ZNF366: variants seen among roughly 807,000 people sequenced by gnomAD.
The protein encoded by ZNF366 is dendritic cell-specific transcript protein.
In ZNF366, 20 loss-of-function variants were observed where a neutral mutation model predicts 47.2. That is an observed-to-expected ratio of 0.42 (90% CI 0.30 to 0.62). The LOEUF (loss-of-function observed/expected upper bound fraction) is 0.62, where lower values mean the gene tolerates loss of function less well. ZNF366 is among the 20% of genes least tolerant of loss of function. ZNF366 has a pLI of 0.16. For synonymous variants in ZNF366, 421 were observed against 395.1 expected, an observed-to-expected ratio of 1.07 and a Z score of -0.78; for missense variants, 987 against 976.3, an observed-to-expected ratio of 1.01 and a Z score of -0.15.
chr5:72,506,039 T>C lies in ZNF366; in HGVS notation c.-15+1212A>G, dbSNP rs982785005. Among the ~76,000 whole-genome samples the C allele has an allele frequency of 8.5e-5, 13 of 152,366 alleles. No homozygotes were observed. In the East Asian group the frequency reaches 2.3e-3, roughly 27 times the overall value. Reference sequence around the variant, plus strand: ...TGTTTTCTCATCCTTAGTAAGATGATGGTTCAATTTTGAATAAAGATTAAT... The same window carrying C: ...TGTTTTCTCATCCTTAGTAAGATGACGGTTCAATTTTGAATAAAGATTAAT... On this transcript the variant is annotated intron_variant, in intron 1 of 4. Coordinates refer to ENST00000318442, the MANE Select transcript of ZNF366 (RefSeq NM_152625.3).
At chr5:72,445,009 G>C (rs747243325) in intron 4 of ZNF366, among the ~76,000 whole-genome samples, 1 of 152,082 alleles carries the variant, frequency 6.6e-6, no homozygotes, top group African/African-American at 2.4e-5. Flanking sequence ...AAAACAAAGA[G>C]AACCTATTTG....
chr5:72,451,100 G>C (rs1034907885), intron 3 of ZNF366, among the ~76,000 whole-genome samples: 1 of 152,266 alleles, frequency 6.6e-6, no homozygotes, highest in African/African-American at 2.4e-5. Flanking sequence ...GCCCAAGCAG[G>C]ACCTGCTGAA....
At chr5:72,496,608 T>C (rs1243860099) in intron 1 of ZNF366, among the ~76,000 whole-genome samples, 1 of 152,202 alleles carries the variant, frequency 6.6e-6, no homozygotes, top group East Asian at 1.9e-4. Flanking sequence ...TGCGTGCAAG[T>C]CTTCATGGGA....
chr5:72,473,760 T>C (rs1250523858), intron 1 of ZNF366, among the ~76,000 whole-genome samples: 1 of 152,182 alleles, frequency 6.6e-6, no homozygotes, highest in Non-Finnish European at 1.5e-5. Flanking sequence ...TCCCCCTATA[T>C]TGCACTCTGA....
At chr5:72,489,215 A>G (rs563162555) in intron 1 of ZNF366, among the ~76,000 whole-genome samples, 87 of 152,170 alleles carry the variant, frequency 5.7e-4, no homozygotes, top group Non-Finnish European at 1.1e-3. Context: ...ATCTCAAAAA[A>G]GAAATTAAGA....
intron 1 of ZNF366, among the ~76,000 whole-genome samples, chr5:72,483,389 G>C (rs1409455755): frequency 6.6e-6 from 1 of 152,010 alleles, no homozygotes; most frequent in East Asian, 1.9e-4. Flanking sequence ...GGTAACAAGA[G>C]ACCTATACCC....
chr5:72,444,153 C>A lies in ZNF366; in HGVS notation c.1838G>T (p.Gly613Val), dbSNP rs368259666. ...VFQSDGESAQ[G>V]SHCHEEEEED... ...CTCTTCCTCCTCGTGGCAGTGGCTG[C>A]CCTGGGCACTCTCCCCGTCTGACTG... The change falls in exon 5 of 5, where the codon GGC (glycine) becomes GTC (valine). Residue 613 changes from glycine (G) to valine (V), a missense_variant. Gly to Val is a moderately radical substitution (Grantham distance 109). Transcript: ENST00000318442. 2 of 1,613,612 alleles carry A rather than the reference C, an allele frequency of 1.2e-6. No individual in the cohort carries two copies. Among genetic ancestry groups the A allele is most frequent in the Non-Finnish European group, 1.7e-6 (2 of 1,180,016 alleles).
chr5:72,495,904 C>T (rs1744103377), intron 1 of ZNF366, among the ~76,000 whole-genome samples: 3 of 152,296 alleles, frequency 2.0e-5, no homozygotes, highest in Admixed American at 2.0e-4. Flanking sequence ...CCATCCTACT[C>T]CCCTGTCCAA....
In ZNF366 at chr5:72,507,365, C is replaced by A. The variant is rs979440864; in HGVS notation, c.-129G>T. ...TCTCTTGTGTACAGATTGCAGGGAA[C>A]TTAAAGAACTCGCAGGGACAGTGTT... On this transcript the variant is annotated 5_prime_UTR_variant, in exon 1 of 5. Coordinates refer to ENST00000318442, the MANE Select transcript of ZNF366 (RefSeq NM_152625.3). 2 of 985,216 alleles carry A rather than the reference C, an allele frequency of 2.0e-6. No individual in the cohort carries two copies. The highest frequency in any genetic ancestry group is 3.5e-5 in the African/African-American group (2 of 57,160). 61.0% of individuals were successfully genotyped at this position (985,216 alleles called of 1,614,324 possible).
intron 1 of ZNF366, among the ~76,000 whole-genome samples, chr5:72,504,044 CAT>C (rs1183709117): frequency 1.3e-5 from 2 of 151,658 alleles, no homozygotes; most frequent in African/African-American, 4.9e-5. Context: ...CACACACACA[CAT>C]GCACACACGC....
In ZNF366 at chr5:72,441,820, A is replaced by C. The variant is rs567252538; in HGVS notation, c.*1936T>G. 1 of 152,310 alleles carries C rather than the reference A, an allele frequency of 6.6e-6. No individual in the cohort carries two copies. Among genetic ancestry groups the C allele is most frequent in the East Asian group, 1.9e-4 (1 of 5,190 alleles). 9.4% of individuals were successfully genotyped at this position (152,310 alleles called of 1,614,324 possible). ...ACCTAGCTCTACAAATACGAGTCAA[A>C]ACTACCAAACAAGAAGTTTTTACAT... On this transcript the variant is annotated 3_prime_UTR_variant, in exon 5 of 5. Coordinates refer to ENST00000318442, the MANE Select transcript of ZNF366 (RefSeq NM_152625.3).
At chr5:72,504,291 C>CA (rs1005088515) in intron 1 of ZNF366, among the ~76,000 whole-genome samples, 1 of 151,796 alleles carries the variant, frequency 6.6e-6, no homozygotes, top group East Asian at 1.9e-4. Flanking sequence ...CGATGGTCTC[C>CA]AAAAAAAGTG....
At chr5:72,506,575 A>C (rs1184593189) in intron 1 of ZNF366, among the ~76,000 whole-genome samples, 3 of 152,194 alleles carry the variant, frequency 2.0e-5, no homozygotes, top group Non-Finnish European at 4.4e-5. Flanking sequence ...CCAAAACTAA[A>C]GCTATATGCC....
At chr5:72,481,552 A>C (rs1426337214) in intron 1 of ZNF366, among the ~76,000 whole-genome samples, 1 of 152,228 alleles carries the variant, frequency 6.6e-6, no homozygotes. Flanking sequence ...AAATAGAATT[A>C]CAAAGTGAAA....
At chr5:72,483,277 T>C (rs1471788361) in intron 1 of ZNF366, among the ~76,000 whole-genome samples, 1 of 152,172 alleles carries the variant, frequency 6.6e-6, no homozygotes, top group African/African-American at 2.4e-5. Context: ...TCATCCTCTA[T>C]CATGATGTTT....
chr5:72,455,115 G>C (rs1342358121), intron 3 of ZNF366, among the ~76,000 whole-genome samples: 1 of 152,148 alleles, frequency 6.6e-6, no homozygotes, highest in Non-Finnish European at 1.5e-5. Context: ...GAACCACTGG[G>C]AATATGAAGA....
intron 4 of ZNF366, among the ~76,000 whole-genome samples, chr5:72,446,038 T>C (rs149946102): frequency 6.6e-6 from 1 of 152,332 alleles, no homozygotes; most frequent in East Asian, 1.9e-4. Flanking sequence ...ATGAATATGC[T>C]TGTCCACTCC....
At chr5:72,460,083 G>C (rs935996831) in intron 2 of ZNF366, 82 bp downstream of exon 2, 2 of 1,522,628 alleles carry the variant, frequency 1.3e-6, no homozygotes, top group African/African-American at 2.7e-5. Context: ...AGCGGCACAG[G>C]CGTCCTGCTC....
rs192427565 is a variant in ZNF366 at position 72,459,528 on chromosome 5, A to G, written c.1332+637T>C. ...AAGACCTGAGCACAGAGAAGATCAAACAAAACCAAACAGAGAAGGATGCTT... is the reference window on the plus strand; with the variant it reads ...AAGACCTGAGCACAGAGAAGATCAAGCAAAACCAAACAGAGAAGGATGCTT... On this transcript the variant is annotated intron_variant, in intron 2 of 4. Coordinates refer to ENST00000318442, the MANE Select transcript of ZNF366 (RefSeq NM_152625.3). Among the ~76,000 whole-genome samples, 3 of 152,288 alleles carry G rather than the reference A, an allele frequency of 2.0e-5. No homozygotes were observed. In the East Asian group the frequency reaches 5.8e-4, roughly 29 times the overall value.
Sources: allele counts gnomAD v4.1 joint callset (sites outside exome capture counted in the v4.1 genomes callset), GRCh38; gene constraint gnomAD v4.1.1; transcripts MANE v1.5; gene names NCBI Gene and HGNC (gene_info 2026-07-23, HGNC 2026-07-21).